The following UPK3A variants were observed in gnomAD, a reference collection of about 807,000 sequenced individuals.
UPK3A encodes the protein uroplakin 3A, also known as uroplakin-3a.
Under a neutral mutation model 27.6 loss-of-function variants are expected in UPK3A, and 32 were observed. The observed-to-expected ratio is 1.16, with a 90% CI of 0.87 to 1.55. UPK3A has a LOEUF of 1.55. Ranked by LOEUF, UPK3A falls within the 40% of genes most tolerant of loss-of-function variation. UPK3A has a pLI of 0.00. For missense variants in UPK3A, 370 were observed against 367.9 expected (o/e 1.01, Z -0.05); for synonymous variants, 171 against 163.9 (o/e 1.04, Z -0.33).
rs546175564 is a variant in UPK3A at position 45,293,532 on chromosome 22, G to A, written c.704+219G>A. The stretch of plus-strand genomic sequence containing the variant: ...GTCAAGTTGCTCAGCTGGGAAGGGT[G>A]GGACTCAGCACCTGGGCTTGTGGGC... On this transcript the variant is annotated intron_variant, in intron 5 of 5. Transcript: ENST00000216211. Among the ~76,000 whole-genome samples the A allele has an allele frequency of 3.3e-5, 5 of 152,288 alleles. No homozygotes were observed. The South Asian group carries it at 8.3e-4, about 25-fold the overall frequency.
chr22:45,288,542 A>G (rs1264240947), intron 3 of UPK3A, among the ~76,000 whole-genome samples: 1 of 152,174 alleles, frequency 6.6e-6, no homozygotes, highest in African/African-American at 2.4e-5. Context: ...CATGTTGGCC[A>G]GGCTGGTCTC....
At chr22:45,290,186 G>A (rs1169150104) in intron 4 of UPK3A, among the ~76,000 whole-genome samples, 2 of 152,200 alleles carry the variant, frequency 1.3e-5, no homozygotes, top group South Asian at 2.1e-4. Context: ...ACAGAGTCGA[G>A]TCTGCTGAAT....
rs1273487912 is a variant in UPK3A, at chr22:45,285,067, T to C, written c.52+2T>C. 2.6e-6 allele frequency: 4 copies of C among 1,535,650 alleles called. No individual in the cohort carries two copies. The highest frequency in any genetic ancestry group is 3.5e-6 in the Non-Finnish European group (4 of 1,147,808). ...TCGGCTGCCTGCGGTTCGGCTCGGG[T>C]AGGCGGTGAAGGGCAGGAGGGGGCT... is the stretch of plus-strand genomic sequence containing the variant. On this transcript the variant is annotated splice_donor_variant, in intron 1 of 5. Coordinates refer to ENST00000216211, the MANE Select transcript of UPK3A (RefSeq NM_006953.4). LOFTEE classifies it high-confidence loss of function.
chr22:45,288,374 A>AT (rs1351571834), intron 3 of UPK3A, among the ~76,000 whole-genome samples: 3 of 151,878 alleles, frequency 2.0e-5, no homozygotes, highest in African/African-American at 7.3e-5. Flanking sequence ...TTGTTTTTGT[A>AT]TTTTTAGTAG....
At chr22:45,291,710 T>C (rs531082754) in intron 4 of UPK3A, among the ~76,000 whole-genome samples, 4 of 144,634 alleles carry the variant, frequency 2.8e-5, no homozygotes, top group African/African-American at 1.0e-4. Context: ...AGAGTGGCAG[T>C]GTGTGTGAGT....
intron 5 of UPK3A, among the ~76,000 whole-genome samples, chr22:45,294,256 G>T (rs2084180659): frequency 6.6e-6 from 1 of 152,126 alleles, no homozygotes; most frequent in Non-Finnish European, 1.5e-5. Flanking sequence ...CTTGGAGTAG[G>T]TATAGTTAAG....
In UPK3A at chr22:45,288,352, G is replaced by A. The variant is rs3788639; in HGVS notation, c.489-709G>A. On this transcript the variant is annotated intron_variant, in intron 3 of 5. Transcript: ENST00000216211. ...CTGGGACTACAGGCGCCCCCACCACGCCTGGCTACTTTTGTTTTTGTATTT... is the reference window on the plus strand; with the variant it reads ...CTGGGACTACAGGCGCCCCCACCACACCTGGCTACTTTTGTTTTTGTATTT... Among the ~76,000 whole-genome samples the A allele has an allele frequency of 1.5e-3, 224 of 152,164 alleles. 2 individuals carry two copies. In the East Asian group the frequency reaches 0.038, roughly 26 times the overall value.
rs1601851773 is a variant in UPK3A, at chr22:45,295,615, G to A, written c.760G>A (p.Ala254Thr). 2 of 1,614,070 alleles carry A rather than the reference G, an allele frequency of 1.2e-6. No homozygotes were observed. Among genetic ancestry groups the A allele is most frequent in the Non-Finnish European group, 1.7e-6 (2 of 1,180,036 alleles). Residue 254 changes from alanine (A) to threonine (T), a missense_variant, in exon 6 of 6, where the codon GCT becomes ACT. Coordinates refer to ENST00000216211, the MANE Select transcript of UPK3A (RefSeq NM_006953.4). The part of the protein sequence containing the change: ...TTHDSQITQE[A>T]VPKSLGASES... ...TCACGACTCCCAAATCACTCAGGAG[G>A]CTGTTCCCAAGTCGCTGGGGGCCTC...
At chr22:45,290,292 G>T (rs2084151255) in intron 4 of UPK3A, among the ~76,000 whole-genome samples, 1 of 152,216 alleles carries the variant, frequency 6.6e-6, no homozygotes, top group Admixed American at 6.5e-5. Context: ...CCAAGACGAG[G>T]CTGTCTGGCA....
Position 45,287,347 on chromosome 22 carries a change from C to G in UPK3A, c.384C>G (p.Ile128Met). ...GGGATGTGTCCAAGGCCTCACAGAT[C>G]CTGAATGCCTACCTGGTCAGGGTGG... ...AIGDVSKASQ[I>M]LNAYLVRVGA... The change falls in exon 3 of 6, where the codon ATC (isoleucine) becomes ATG (methionine). Residue 128 changes from isoleucine (I) to methionine (M), a missense_variant. Physicochemically the swap from Ile to Met is conservative, Grantham distance 10 (BLOSUM62 1). Transcript: ENST00000216211. 1 of 1,614,158 alleles carries G rather than the reference C, an allele frequency of 6.2e-7. No homozygotes were observed. Among genetic ancestry groups the G allele is most frequent in the Non-Finnish European group, 8.5e-7 (1 of 1,179,986 alleles).
chr22:45,292,259 C>T (rs1312324761), intron 4 of UPK3A, among the ~76,000 whole-genome samples: 1 of 152,124 alleles, frequency 6.6e-6, no homozygotes, highest in East Asian at 1.9e-4. Context: ...GGGGGAGGAC[C>T]GTGGGGCCCA....
chr22:45,290,093 C>T lies in UPK3A; in HGVS notation c.571+950C>T, dbSNP rs552160215. ...CGCTCTCCTTCCCTGCACACCTACT[C>T]CTTAGCACCTGGGCGGCTTTCCTGA... On this transcript the variant is annotated intron_variant, in intron 4 of 5. Coordinates refer to ENST00000216211, the MANE Select transcript of UPK3A (RefSeq NM_006953.4). 2.5e-3 allele frequency among the ~76,000 whole-genome samples: 385 copies of T among 152,350 alleles called. 2 individuals are homozygous for T. Among genetic ancestry groups the T allele is most frequent in the Non-Finnish European group, 2.8e-3 (189 of 68,032 alleles).
chr22:45,286,646 A>ATG (rs2084120151), intron 2 of UPK3A, among the ~76,000 whole-genome samples: 1 of 152,210 alleles, frequency 6.6e-6, no homozygotes, highest in African/African-American at 2.4e-5. Flanking sequence ...CATTTACAAC[A>ATG]GCTCATTCGG....
At chr22:45,287,537 C>T (rs2084128179) in intron 3 of UPK3A, 86 bp downstream of exon 3, 3 of 1,505,300 alleles carry the variant, frequency 2.0e-6, no homozygotes, top group Non-Finnish European at 2.7e-6. Flanking sequence ...GGAGCAGCCA[C>T]ACTTCTTGAG....
At chr22:45,286,873 A>C (rs1400948392) in intron 2 of UPK3A, among the ~76,000 whole-genome samples, 1 of 151,938 alleles carries the variant, frequency 6.6e-6, no homozygotes, top group East Asian at 1.9e-4. Flanking sequence ...CCCATTTTAC[A>C]CAAGAGAGAA....
intron 4 of UPK3A, among the ~76,000 whole-genome samples, chr22:45,291,337 C>T (rs1321929486): frequency 1.5e-5 from 2 of 131,780 alleles, no homozygotes; most frequent in Non-Finnish European, 3.2e-5. Context: ...GTGTGGTTAG[C>T]GTGAGAGTAT....
At position 45,295,817 on chromosome 22, in the gene UPK3A, C is replaced by T. The variant is rs973786627; in HGVS notation, c.*98C>T. 6.9e-7 allele frequency: 1 copy of T among 1,446,322 alleles called. No homozygotes were observed. Among genetic ancestry groups the T allele is most frequent in the Non-Finnish European group, 9.6e-7 (1 of 1,045,722 alleles). The allele number at this position is 1,446,322 out of a possible 1,614,324, so 89.6% of individuals were successfully genotyped here. On this transcript the variant is annotated 3_prime_UTR_variant, in exon 6 of 6. Coordinates refer to ENST00000216211, the MANE Select transcript of UPK3A (RefSeq NM_006953.4). ...CACCCTGACTTCAGGGAAGGTGAAA[C>T]AGGGCTTGTCCCTCCAACTGCAGGA...
rs531424868 is a variant in UPK3A at position 45,285,957 on chromosome 22, C to T, written c.69C>T (p.Pro23=). 2 of 1,614,092 alleles carry T rather than the reference C, an allele frequency of 1.2e-6. No homozygotes were observed. Among genetic ancestry groups the T allele is most frequent in the South Asian group, 1.1e-5 (1 of 91,084 alleles). The change falls in exon 2 of 6, where the codon CCC becomes CCT. Residue 23 remains proline, a synonymous_variant. Transcript: ENST00000216211. ...CTCCTCCAGCTGTGAACCTGCAGCC[C>T]CAACTGGCCAGTGTGACTTTCGCCA... ...LRFGSAVNLQ[P]QLASVTFATN...
chr22:45,295,769 A>G lies in UPK3A; in HGVS notation c.*50A>G, dbSNP rs2147799870. On this transcript the variant is annotated 3_prime_UTR_variant, in exon 6 of 6. Transcript: ENST00000216211. ...GCATCCTCCTCTCTGGCCTTGCCCC[A>G]GGCCCTGCAGCGGTGGTTGTCACAC... 1 of 1,608,880 alleles carries G rather than the reference A, an allele frequency of 6.2e-7. No individual in the cohort carries two copies. Among genetic ancestry groups the G allele is most frequent in the African/African-American group, 1.3e-5 (1 of 74,944 alleles).
Sources: allele counts gnomAD v4.1 joint callset (sites outside exome capture counted in the v4.1 genomes callset), GRCh38; gene constraint gnomAD v4.1.1; transcripts MANE v1.5; gene names NCBI Gene and HGNC (gene_info 2026-07-23, HGNC 2026-07-21).